C3orf20: variants seen among roughly 807,000 people sequenced by gnomAD.
The protein encoded by C3orf20 is uncharacterized protein C3orf20.
A neutral mutation model predicts 88.3 loss-of-function variants in C3orf20; 76 were observed. The ratio of observed to expected loss-of-function variants is 0.86; its 90% CI spans 0.72 to 1.04. The LOEUF is 1.04. Among genes scored for constraint, C3orf20 ranks in the 50% least tolerant of loss-of-function variants. C3orf20 has a pLI of 0.00. For missense variants in C3orf20, 1,056 were observed against 1,123.3 expected (o/e 0.94, Z 0.86); for synonymous variants, 436 against 437.4 (o/e 1.00, Z 0.04).
chr3:14,760,810 A>G (rs1277769368), intron 14 of C3orf20, among the ~76,000 whole-genome samples: 1 of 152,012 alleles, frequency 6.6e-6, no homozygotes, highest in Non-Finnish European at 1.5e-5. Context: ...GGGTTTCACC[A>G]TACTGGCCAG....
At chr3:14,735,649 G>A (rs1304135851) in intron 12 of C3orf20, among the ~76,000 whole-genome samples, 3 of 151,188 alleles carry the variant, frequency 2.0e-5, no homozygotes, top group African/African-American at 4.9e-5. Context: ...GCTGGAGTGC[G>A]GTGGTGCCAT....
rs78376828 is a variant in C3orf20, at chr3:14,770,340, C to G, written c.2496-1727C>G. On this transcript the variant is annotated intron_variant, in intron 15 of 16. Coordinates refer to ENST00000253697, the MANE Select transcript of C3orf20 (RefSeq NM_032137.5). The stretch of plus-strand genomic sequence containing the variant: ...GTGCATACACCCAGATTCTGAGGCC[C>G]GGTCTCGGCATTTCTTGGTGTTTAG... 3.8e-3 allele frequency among the ~76,000 whole-genome samples: 573 copies of G among 152,226 alleles called. 6 individuals carry two copies. The highest frequency in any genetic ancestry group is 0.013 in the African/African-American group (554 of 41,520).
At chr3:14,738,093 G>A (rs1209717352) in intron 12 of C3orf20, among the ~76,000 whole-genome samples, 2 of 151,778 alleles carry the variant, frequency 1.3e-5, no homozygotes, top group African/African-American at 4.8e-5. Context: ...CATTCGTGAA[G>A]GTTGGAGTCA....
At chr3:14,743,097 A>G (rs1445566650) in intron 12 of C3orf20, among the ~76,000 whole-genome samples, 1 of 151,978 alleles carries the variant, frequency 6.6e-6, no homozygotes, top group Non-Finnish European at 1.5e-5. Flanking sequence ...AACTCATTTC[A>G]GCATTAACCC....
At chr3:14,682,395 A>G (rs919011306) in intron 2 of C3orf20, 64 bp downstream of exon 2, 1 of 309,152 alleles carries the variant, frequency 3.2e-6, no homozygotes, top group African/African-American at 2.1e-5. Flanking sequence ...AGGGTCCTAT[A>G]CCCAGTTTGT....
At chr3:14,731,033 T>TAC (rs1427707130) in intron 12 of C3orf20, among the ~76,000 whole-genome samples, 1 of 152,140 alleles carries the variant, frequency 6.6e-6, no homozygotes, top group Non-Finnish European at 1.5e-5. Context: ...GCCCTATATA[T>TAC]ACTCTGTTTT....
rs539585744 is a variant in C3orf20 at position 14,707,244 on chromosome 3, G to A, written c.1160+2626G>A. Among the ~76,000 whole-genome samples, 49 of 42,052 alleles carry A rather than the reference G, an allele frequency of 1.2e-3. No homozygotes were observed. The South Asian group carries it at 0.014, about 12-fold the overall frequency. 27.6% of individuals were successfully genotyped at this position (42,052 alleles called of 152,430 possible). A position where few individuals can be genotyped will look rare whatever the true frequency, so the allele number is the denominator to read the frequency against. ...ATCTTGGGCAACAGAGCAAGACTCC[G>A]TCTCAAAAAAAAAAAAAAAAAAAGA... On this transcript the variant is annotated intron_variant, in intron 7 of 16. Transcript: ENST00000253697.
At chr3:14,703,958 G>C (rs6773797) in intron 6 of C3orf20, among the ~76,000 whole-genome samples, 30,532 of 152,036 alleles carry the variant, frequency 0.2, 3,651 homozygotes, top group South Asian at 0.36. Flanking sequence ...AACATGGGGA[G>C]AGGGCAGCCA....
At chr3:14,752,387 A>G (rs1217456449) in intron 12 of C3orf20, among the ~76,000 whole-genome samples, 1 of 152,258 alleles carries the variant, frequency 6.6e-6, no homozygotes, top group Non-Finnish European at 1.5e-5. Context: ...ACCCTAGAAG[A>G]AAACCTAGAC....
At chr3:14,722,154 G>T in intron 10 of C3orf20, 1 of 279,704 alleles carries the variant, frequency 3.6e-6, no homozygotes, top group South Asian at 4.1e-5. Flanking sequence ...CTCTTTGTTG[G>T]CTTCATTCTC....
chr3:14,738,726 C>T (rs1284783592), intron 12 of C3orf20, among the ~76,000 whole-genome samples: 8 of 122,214 alleles, frequency 6.5e-5, no homozygotes, highest in East Asian at 5.8e-4. Flanking sequence ...CCGCAACCTC[C>T]GGCTCCTGGG....
In C3orf20 at chr3:14,679,903, A is replaced by T. The variant is rs571054793; in HGVS notation, c.-298-2267A>T. ...AAAAAAAGATATAAAATGGCCAATA[A>T]GCATATGAAAAGATGCTTAGGGAAT... is the stretch of plus-strand genomic sequence containing the variant. On this transcript the variant is annotated intron_variant, in intron 1 of 16. Transcript: ENST00000253697. Among the ~76,000 whole-genome samples the T allele has an allele frequency of 2.6e-5, 4 of 152,394 alleles. No individual in the cohort carries two copies. In the East Asian group the frequency reaches 7.7e-4, roughly 29 times the overall value.
intron 5 of C3orf20, among the ~76,000 whole-genome samples, chr3:14,692,122 A>G (rs2032763680): frequency 6.6e-6 from 1 of 152,174 alleles, no homozygotes; most frequent in African/African-American, 2.4e-5. Context: ...TATGTACCAC[A>G]CTTTCTTCAT....
At chr3:14,703,483 A>G (rs2033364073) in intron 6 of C3orf20, among the ~76,000 whole-genome samples, 1 of 152,208 alleles carries the variant, frequency 6.6e-6, no homozygotes, top group Non-Finnish European at 1.5e-5. Flanking sequence ...CACCCTCCCT[A>G]CAATATCACT....
rs2033256771 is a variant in C3orf20, at chr3:14,701,475, C to T, written c.746-1655C>T. 2.5e-5 allele frequency among the ~76,000 whole-genome samples: 1 copy of T among 40,778 alleles called. No homozygotes were observed. Among genetic ancestry groups the T allele is most frequent in the South Asian group, 5.7e-4 (1 of 1,764 alleles). 26.8% of individuals were successfully genotyped at this position (40,778 alleles called of 152,430 possible). A position where few individuals can be genotyped will look rare whatever the true frequency, so the allele number is the denominator to read the frequency against. On this transcript the variant is annotated intron_variant, in intron 5 of 16. Transcript: ENST00000253697. This position sits in a 1 kb window ranked among gnomAD's most constrained non-coding sequence, Gnocchi z 4.6. ...ATGACTAAATAGATGCCCCTGGAAC[C>T]TAGGGTGGGATATCACTGCCACGAC...
intron 4 of C3orf20, among the ~76,000 whole-genome samples, chr3:14,685,887 G>A (rs1176673952): frequency 7.4e-6 from 1 of 134,482 alleles, no homozygotes; most frequent in Non-Finnish European, 1.6e-5. Context: ...TTTTGAGACG[G>A]AGTCTCGCTC....
chr3:14,769,867 C>T (rs1342200660), intron 15 of C3orf20, among the ~76,000 whole-genome samples: 1 of 152,124 alleles, frequency 6.6e-6, no homozygotes, highest in Non-Finnish European at 1.5e-5. Flanking sequence ...TGGCTGTGAA[C>T]TCAGGGCCTT....
Position 14,705,180 on chromosome 3 carries a change from A to C in C3orf20, c.1160+562A>C, listed in dbSNP as rs2033448915. 2.0e-5 allele frequency among the ~76,000 whole-genome samples: 3 copies of C among 152,224 alleles called. No homozygotes were observed. The South Asian group carries it at 6.2e-4, about 31-fold the overall frequency. ...AGTGCTAGTTGTGTCCCAACCTTGG[A>C]TGTGGGAGCAACAAAAGGAGACACA... On this transcript the variant is annotated intron_variant, in intron 7 of 16. Transcript: ENST00000253697.
At chr3:14,760,562 G>T in intron 14 of C3orf20, among the ~76,000 whole-genome samples, 1 of 145,522 alleles carries the variant, frequency 6.9e-6, no homozygotes, top group Admixed American at 6.8e-5. Context: ...TCCTTATTTA[G>T]TTTGTAACAC....
Sources: gnomAD v4.1 joint callset for allele counts (sites outside exome capture counted in the v4.1 genomes callset) on GRCh38, gnomAD v4.1.1 for gene constraint, Gnocchi (gnomAD v3.1) non-coding constraint, MANE v1.5 for transcripts, NCBI Gene and HGNC (gene_info 2026-07-23, HGNC 2026-07-21) for gene names.